Variants in MUC12 observed in about 807,000 individuals in gnomAD.
MUC12 encodes the protein mucin 12, cell surface associated.
MUC12 carries 172 observed loss-of-function variants against 230.8 expected under a neutral mutation model. The observed-to-expected ratio is 0.75, with a 90% confidence interval of 0.66 to 0.85. MUC12 has a LOEUF of 0.85. Among genes scored for constraint, MUC12 ranks in the 40% least tolerant of loss-of-function variants. The pLI, the probability that MUC12 is intolerant of heterozygous loss-of-function variation, is 0.00. For synonymous variants in MUC12, 1,259 were observed against 2,401.9 expected, an observed-to-expected ratio of 0.52 and a Z score of 13.91; for missense variants, 3,506 against 5,920.6, an observed-to-expected ratio of 0.59 and a Z score of 13.38.
rs1426119240 is a variant in MUC12, at chr7:100,995,454, G to T, written c.4891G>T (p.Glu1631Ter). 6.5e-7 allele frequency: 1 copy of T among 1,530,406 alleles called. No homozygotes were observed. Among genetic ancestry groups the T allele is most frequent in the East Asian group, 2.4e-5 (1 of 40,906 alleles). The allele number at this position is 1,530,406 out of a possible 1,614,324, so 94.8% of individuals were successfully genotyped here. The change falls in exon 2 of 12, where the codon GAA becomes TAA. Residue 1631 changes from glutamate (E) to a stop codon, truncating the protein, a stop_gained. Transcript: ENST00000536621. LOFTEE classifies it high-confidence loss of function. ...GSTTASSLGP[E>*]STTFHSSPGS... ...TACCACAGCATCATCCCTTGGTCCA[G>T]AATCTACTACTTTCCACAGCAGCCC... is the stretch of plus-strand genomic sequence containing the variant.
At chr7:100,989,041 T>C (rs754120662) in intron 1 of MUC12, among the ~76,000 whole-genome samples, 3 of 152,010 alleles carry the variant, frequency 2.0e-5, no homozygotes, top group Non-Finnish European at 2.9e-5. Flanking sequence ...TGTGAGTCCA[T>C]TAAACCATTT....
In MUC12 at chr7:100,993,661, TC is replaced by T; in HGVS notation, c.3101del (p.Pro1034LeufsTer52). The part of the protein sequence containing the change: ...RSPGSTPTTH[F>X]PASSTTSGHS... ...CCAGGCTCGACTCCAACAACACACT[TC>T]CCTGCCAGCTCCACAACTTCGGGCC... On this transcript the variant is annotated frameshift_variant, in exon 2 of 12. Transcript: ENST00000536621. LOFTEE classifies it high-confidence loss of function. The T allele has an allele frequency of 1.7e-6, 2 of 1,149,386 alleles. No individual in the cohort carries two copies. Among genetic ancestry groups the T allele is most frequent in the South Asian group, 1.4e-5 (1 of 72,218 alleles). The allele number at this position is 1,149,386 out of a possible 1,614,324, so 71.2% of individuals were successfully genotyped here. A position where few individuals can be genotyped will look rare whatever the true frequency, so the allele number is the denominator to read the frequency against.
intron 1 of MUC12, among the ~76,000 whole-genome samples, chr7:100,980,626 T>A (rs1169315496): frequency 6.6e-6 from 1 of 152,218 alleles, no homozygotes; most frequent in Non-Finnish European, 1.5e-5. Flanking sequence ...AATGTCATCG[T>A]TAAAATGATA....
At chr7:100,982,916 G>T (rs573877466) in intron 1 of MUC12, among the ~76,000 whole-genome samples, 2 of 151,604 alleles carry the variant, frequency 1.3e-5, no homozygotes, top group African/African-American at 4.8e-5. Flanking sequence ...AAATTTTTTT[G>T]TAAAGACAGG....
chr7:100,992,036 G>GA lies in MUC12; in HGVS notation c.1476dup (p.Ser493IlefsTer7). The GA allele has an allele frequency of 6.5e-7, 1 of 1,537,968 alleles. No homozygotes were observed. Among genetic ancestry groups the GA allele is most frequent in the Middle Eastern group, 1.7e-4 (1 of 5,996 alleles). On this transcript the variant is annotated frameshift_variant, in exon 2 of 12. Transcript: ENST00000536621. LOFTEE classifies it high-confidence loss of function. ...GTACCACAAAACCAGGCCTCAGTGA[G>GA]AAATCTACCACTTTCTACAGTAGCC...
chr7:100,988,489 A>G (rs1439734120), intron 1 of MUC12, among the ~76,000 whole-genome samples: 1 of 152,090 alleles, frequency 6.6e-6, no homozygotes, highest in African/African-American at 2.4e-5. Context: ...CTGTGAGCCA[A>G]TTAAATCTCT....
rs146586865 is a variant in MUC12, at chr7:101,004,623, A to C, written c.14060A>C (p.His4687Pro). The change falls in exon 2 of 12, where the codon CAC (histidine) becomes CCC (proline). Residue 4687 changes from histidine (H) to proline (P), a missense_variant. Physicochemically the swap from His to Pro is moderately conservative, Grantham distance 77. Transcript: ENST00000536621. ...CGTAGTGAGGAATCAACAGCATCCC[A>C]CAGCAGCCCAGATACAAATGGAATC... is the stretch of plus-strand genomic sequence containing the variant. ...SGRSEESTAS[H>P]SSPDTNGITP... 108 of 1,537,366 alleles carry C rather than the reference A, an allele frequency of 7.0e-5. No individual in the cohort carries two copies. The African/African-American group carries it at 1.3e-3, about 19-fold the overall frequency.
chr7:101,018,785 C>G lies in MUC12; in HGVS notation c.*149C>G. ...CTGAGCTGACAGACTTGGCCAGTCC[C>G]CTGCCTGTGCTCCTGCTGGGGAAGG... On this transcript the variant is annotated 3_prime_UTR_variant, in exon 12 of 12. Transcript: ENST00000536621. 1.4e-6 allele frequency: 1 copy of G among 723,396 alleles called. No individual in the cohort carries two copies. 44.8% of individuals were successfully genotyped at this position (723,396 alleles called of 1,614,324 possible). A position where few individuals can be genotyped will look rare whatever the true frequency, so the allele number is the denominator to read the frequency against.
chr7:101,017,307 G>A, intron 10 of MUC12: 1 of 423,668 alleles, frequency 2.4e-6, no homozygotes, highest in Non-Finnish European at 4.2e-6. Context: ...CTGAACGCAC[G>A]CTCCTCCGTG....
Position 101,015,659 on chromosome 7 carries a change from CT to C in MUC12, c.15846del (p.Gly5283AlafsTer14). ...VPQEWRKEGTPGIFQKTAIWE... is the reference protein window; with the variant it reads ...VPQEWRKEGTXGIFQKTAIWE... ...CAAGAGTGGCGAAAGGAAGGCACCCCTGGCATCTTCCAGAAGACGGCCATCT... is the reference window on the plus strand; with the variant it reads ...CAAGAGTGGCGAAAGGAAGGCACCCCGGCATCTTCCAGAAGACGGCCATCT... On this transcript the variant is annotated frameshift_variant, in exon 10 of 12. Transcript: ENST00000536621. LOFTEE classifies it high-confidence loss of function. 6.5e-7 allele frequency: 1 copy of C among 1,537,716 alleles called. No homozygotes were observed. The highest frequency in any genetic ancestry group is 1.4e-5 in the African/African-American group (1 of 73,162).
At position 100,995,488 on chromosome 7, in the gene MUC12, CT is replaced by C; in HGVS notation, c.4926del (p.Glu1643LysfsTer221). ...STTFHSSPGS[T>X]ETTLLPDNTT... ...ACTTTCCACAGCAGCCCAGGCTCCA[CT>C]GAAACAACACTCTTACCTGACAACA... On this transcript the variant is annotated frameshift_variant, in exon 2 of 12. Coordinates refer to ENST00000536621, the MANE Select transcript of MUC12 (RefSeq NM_001164462.2). LOFTEE classifies it high-confidence loss of function. 4 of 1,534,860 alleles carry C rather than the reference CT, an allele frequency of 2.6e-6. No homozygotes were observed. The highest frequency in any genetic ancestry group is 2.6e-6 in the Non-Finnish European group (3 of 1,146,508).
intron 1 of MUC12, among the ~76,000 whole-genome samples, chr7:100,987,429 C>T (rs903743613): frequency 6.6e-6 from 1 of 152,132 alleles, no homozygotes; most frequent in African/African-American, 2.4e-5. Flanking sequence ...GTGCAGGAGG[C>T]ACTCCATGGG....
chr7:101,010,152 C>A (rs74941631), intron 5 of MUC12, among the ~76,000 whole-genome samples: 1 of 151,846 alleles, frequency 6.6e-6, no homozygotes, highest in Non-Finnish European at 1.5e-5. Context: ...GAATGAGGAA[C>A]GAGGGCAGAT....
intron 6 of MUC12, 34 bp downstream of exon 6, chr7:101,012,481 G>T: frequency 1.3e-6 from 2 of 1,533,494 alleles, no homozygotes; most frequent in Non-Finnish European, 1.7e-6. Context: ...ACACCTGTGG[G>T]TGTCTTGGAG....
At chr7:100,974,970 G>A (rs1447615718) in intron 1 of MUC12, among the ~76,000 whole-genome samples, 1 of 152,306 alleles carries the variant, frequency 6.6e-6, no homozygotes, top group African/African-American at 2.4e-5. Context: ...GGACAGTCCA[G>A]GAGGCTGTAT....
intron 1 of MUC12, among the ~76,000 whole-genome samples, chr7:100,989,698 AT>A (rs11307935): frequency 0.38 from 55,566 of 147,240 alleles, 11,478 homozygotes; most frequent in East Asian, 0.66. Flanking sequence ...ATTCAAGTTC[AT>A]TTTTTTTTTT....
In MUC12 at chr7:101,013,066, T is replaced by C. The variant is rs1158339244; in HGVS notation, c.15562T>C (p.Cys5188Arg). The change falls in exon 8 of 12, where the codon TGC (cysteine) becomes CGC (arginine). Residue 5188 changes from cysteine to arginine, a missense_variant. Coordinates refer to ENST00000536621, the MANE Select transcript of MUC12 (RefSeq NM_001164462.2). ...TGGGAAGCTGGCCTGTGTGAACAAG[T>C]GCACCAAAGGAACGAAGTCGCAAAT... The part of the protein sequence containing the change: ...LDGKLACVNK[C>R]TKGTKSQMNC... 6.5e-7 allele frequency: 1 copy of C among 1,537,338 alleles called. No homozygotes were observed. The highest frequency in any genetic ancestry group is 1.2e-5 in the South Asian group (1 of 84,064).
rs566786731 is a variant in MUC12, at chr7:100,990,100, C to T, written c.68-531C>T. ...CCACAGAAGGCACAAGGGTCTATAA[C>T]AGGGGTCCCCAACCCCCTGGCCCCA... On this transcript the variant is annotated intron_variant, in intron 1 of 11. Transcript: ENST00000536621. Among the ~76,000 whole-genome samples, 4 of 152,298 alleles carry T rather than the reference C, an allele frequency of 2.6e-5. No individual in the cohort carries two copies. The South Asian group carries it at 8.3e-4, about 32-fold the overall frequency.
rs1460005396 is a variant in MUC12, at chr7:100,991,057, C to A, written c.494C>A (p.Ser165Ter). Residue 165 changes from serine to a stop codon, truncating the protein, a stop_gained, in exon 2 of 12, where the codon TCA (serine) becomes TAA (stop). Transcript: ENST00000536621. LOFTEE classifies it high-confidence loss of function. ...ACAAGCTCAGGCGTCAGTGAAAAAT[C>A]AACCACCTCCCACAGCCGACCAGGC... ...RTTSSGVSEKSTTSHSRPGPT... is the reference protein window; with the variant it reads ...RTTSSGVSEK 1.3e-6 allele frequency: 2 copies of A among 1,537,720 alleles called. No individual in the cohort carries two copies. The highest frequency in any genetic ancestry group is 1.7e-6 in the Non-Finnish European group (2 of 1,146,930).
Sources: allele counts gnomAD v4.1 joint callset (sites outside exome capture counted in the v4.1 genomes callset), GRCh38; gene constraint gnomAD v4.1.1; transcripts MANE v1.5; gene names NCBI Gene and HGNC (gene_info 2026-07-23, HGNC 2026-07-21).